Variants in ANXA11 observed in about 807,000 individuals in gnomAD.
ANXA11 encodes 56 kDa autoantigen.
Under a neutral mutation model 64.7 loss-of-function variants are expected in ANXA11, and 57 were observed. The observed-to-expected ratio is 0.88, with a 90% CI of 0.71 to 1.10. The LOEUF is 1.10. ANXA11 is among the 50% of genes least tolerant of loss of function. The pLI is 0.00. For missense variants in ANXA11, 675 were observed against 670.7 expected (o/e 1.01, Z -0.07); for synonymous variants, 260 against 265.2 (o/e 0.98, Z 0.19).
chr10:80,155,783 A>AC lies in ANXA11; in HGVS notation c.*69dup. On this transcript the variant is annotated 3_prime_UTR_variant, in exon 16 of 16. Coordinates refer to ENST00000422982, the MANE Select transcript of ANXA11 (RefSeq NM_145868.2). ...CTATTTGTGGATTTGTTAGAAACAGACATTCTTTTGGCCTTTTCCTGGCAC... is the reference window on the plus strand; with the variant it reads ...CTATTTGTGGATTTGTTAGAAACAGACCATTCTTTTGGCCTTTTCCTGGCAC... 7.1e-7 allele frequency: 1 copy of AC among 1,415,980 alleles called. No homozygotes were observed. Among genetic ancestry groups the AC allele is most frequent in the Non-Finnish European group, 1.0e-6 (1 of 1,000,414 alleles). 87.7% of individuals were successfully genotyped at this position (1,415,980 alleles called of 1,614,324 possible). A position where few individuals can be genotyped will look rare whatever the true frequency, so the allele number is the denominator to read the frequency against.
chr10:80,180,036 T>C (rs1047535301), intron 1 of ANXA11, among the ~76,000 whole-genome samples: 1 of 152,072 alleles, frequency 6.6e-6, no homozygotes, highest in Non-Finnish European at 1.5e-5. Context: ...TATCTGGGGG[T>C]GCTTCTCAGT....
At position 80,189,500 on chromosome 10, in the gene ANXA11, C is replaced by T. The variant is rs527356876; in HGVS notation, c.-57-13345G>A. ...CCTCAAAAAATTAAACATAGAACTA[C>T]CATACGATCCAGCAATCTCACTCCT... On this transcript the variant is annotated intron_variant, in intron 1 of 15. Transcript: ENST00000422982. 3.3e-5 allele frequency among the ~76,000 whole-genome samples: 5 copies of T among 152,310 alleles called. No individual in the cohort carries two copies. In the South Asian group the frequency reaches 1.0e-3, roughly 32 times the overall value.
chr10:80,158,012 C>G lies in ANXA11; in HGVS notation c.1290G>C (p.Lys430Asn). ...EGMLAVVKCL[K>N]NTPAFFAERL... ...TCTCCGCAAAGAAGGCTGGGGTATT[C>G]TTGAGACATTTCACTAGAAGAGAGA... Residue 430 changes from lysine to asparagine, a missense_variant, in exon 14 of 16, where the codon AAG becomes AAC. Lys to Asn is a moderately conservative substitution (Grantham distance 94). Coordinates refer to ENST00000422982, the MANE Select transcript of ANXA11 (RefSeq NM_145868.2). The G allele has an allele frequency of 6.2e-7, 1 of 1,614,094 alleles. No individual in the cohort carries two copies. The highest frequency in any genetic ancestry group is 8.5e-7 in the Non-Finnish European group (1 of 1,179,990).
At position 80,169,043 on chromosome 10, in the gene ANXA11, GC is replaced by G; in HGVS notation, c.486del (p.Gln163SerfsTer51). The G allele has an allele frequency of 6.5e-7, 1 of 1,544,190 alleles. No individual in the cohort carries two copies. The highest frequency in any genetic ancestry group is 8.7e-7 in the Non-Finnish European group (1 of 1,150,996). ...YPGQPPVPLP[G>X]QQQPVPSYPG... is the part of the protein sequence containing the mutation. ...GGGTAGCTCGGCACTGGCTGCTGCTGCCCAGGGAGTGGCACTGGAGGCTGAC... is the reference window on the plus strand; with the variant it reads ...GGGTAGCTCGGCACTGGCTGCTGCTGCCAGGGAGTGGCACTGGAGGCTGAC... On this transcript the variant is annotated frameshift_variant, in exon 5 of 16. Transcript: ENST00000422982. LOFTEE classifies it high-confidence loss of function.
At chr10:80,183,424 C>G (rs758015283) in intron 1 of ANXA11, among the ~76,000 whole-genome samples, 5 of 152,226 alleles carry the variant, frequency 3.3e-5, no homozygotes, top group Non-Finnish European at 7.3e-5. Context: ...AAGGGGGCCT[C>G]TTTCAGCTTT....
At chr10:80,175,910 CA>C in intron 2 of ANXA11, among the ~76,000 whole-genome samples, 196 bp downstream of exon 2, 1 of 152,194 alleles carries the variant, frequency 6.6e-6, no homozygotes, top group East Asian at 1.9e-4. Context: ...AAAAATTAGC[CA>C]GGCGTGGTGG....
At chr10:80,195,939 G>C (rs921585427) in intron 1 of ANXA11, 1 of 152,238 alleles carries the variant, frequency 6.6e-6, no homozygotes, top group Non-Finnish European at 1.5e-5. Context: ...TCTACAACAC[G>C]AGGGAATTCG....
chr10:80,178,372 A>T (rs1846246028), intron 1 of ANXA11, among the ~76,000 whole-genome samples: 1 of 152,214 alleles, frequency 6.6e-6, no homozygotes, highest in South Asian at 2.1e-4. Flanking sequence ...GCCTGCTTCT[A>T]ATCACGGCCC....
rs139801764 is a variant in ANXA11, at chr10:80,170,878, C to A, written c.93G>T (p.Pro31=). The part of the protein sequence containing the change: ...GPWGGAAYPP[P]PSMPPIGLDN... The stretch of plus-strand genomic sequence containing the variant: ...CCAGCCCGATGGGGGGCATGCTGGG[C>A]GGAGGAGGGTAGGCAGCACCTCCCC... Residue 31 remains proline (P), a synonymous_variant, in exon 4 of 16, where the codon CCG becomes CCT. Coordinates refer to ENST00000422982, the MANE Select transcript of ANXA11 (RefSeq NM_145868.2). 12 of 1,566,680 alleles carry A rather than the reference C, an allele frequency of 7.7e-6. No individual in the cohort carries two copies. Among genetic ancestry groups the A allele is most frequent in the Non-Finnish European group, 1.0e-5 (12 of 1,158,226 alleles).
Position 80,157,715 on chromosome 10 carries a change from T to C in ANXA11, c.1384A>G (p.Ser462Gly). Residue 462 changes from serine (S) to glycine (G), a missense_variant, in exon 15 of 16, where the codon AGC becomes GGC. Physicochemically the swap from Ser to Gly is moderately conservative, Grantham distance 56. Coordinates refer to ENST00000422982, the MANE Select transcript of ANXA11 (RefSeq NM_145868.2). The part of the protein sequence containing the change: ...RTLIRIMVSR[S>G]ETDLLDIRSE... ...CTGATGTCCAGGAGGTCGGTCTCGC[T>C]GCGAGACACCATGATGCGAATCAGG... 6.2e-7 allele frequency: 1 copy of C among 1,614,020 alleles called. No individual in the cohort carries two copies. The highest frequency in any genetic ancestry group is 1.3e-5 in the African/African-American group (1 of 74,994).
At chr10:80,205,750 C>T (rs1257122344), upstream of ANXA11, among the ~76,000 whole-genome samples, 1 of 152,194 alleles carries the variant, frequency 6.6e-6, no homozygotes, top group Non-Finnish European at 1.5e-5. Flanking sequence ...GCCGCATTCG[C>T]CCTCCTGCAG....
chr10:80,188,006 T>G (rs1161803887), intron 1 of ANXA11, among the ~76,000 whole-genome samples: 2 of 152,000 alleles, frequency 1.3e-5, no homozygotes, highest in Admixed American at 6.5e-5. Flanking sequence ...AACCCTTCCC[T>G]CATTTTGCAG....
chr10:80,182,568 C>G (rs1846394586), intron 1 of ANXA11, among the ~76,000 whole-genome samples: 1 of 152,108 alleles, frequency 6.6e-6, no homozygotes, highest in South Asian at 2.1e-4. Flanking sequence ...GATACATGTG[C>G]AGAACATGCA....
In ANXA11 at chr10:80,205,459, C is replaced by A. The variant is rs1443918626; in HGVS notation, c.-174G>T. The A allele has an allele frequency of 1.3e-5, 2 of 151,930 alleles. No individual in the cohort carries two copies. Among genetic ancestry groups the A allele is most frequent in the Admixed American group, 6.6e-5 (1 of 15,252 alleles). The allele number at this position is 151,930 out of a possible 1,614,324, so 9.4% of individuals were successfully genotyped here. A position where few individuals can be genotyped will look rare whatever the true frequency, so the allele number is the denominator to read the frequency against. On this transcript the variant is annotated 5_prime_UTR_variant, in exon 1 of 16. Coordinates refer to ENST00000422982, the MANE Select transcript of ANXA11 (RefSeq NM_145868.2). ...CTGCCTAGGGGCTGGGTCCCACTCC[C>A]GCTCGCGGGGCCCGCGGGGCACTCG...
At position 80,169,127 on chromosome 10, in the gene ANXA11, G is replaced by A. The variant is rs747262502; in HGVS notation, c.403C>T (p.Pro135Ser). 5.2e-6 allele frequency: 8 copies of A among 1,545,200 alleles called. No individual in the cohort carries two copies. The highest frequency in any genetic ancestry group is 6.9e-6 in the Non-Finnish European group (8 of 1,151,480). The change falls in exon 5 of 16, where the codon CCC (proline) becomes TCC (serine). Residue 135 changes from proline to serine, a missense_variant. Physicochemically the swap from Pro to Ser is moderately conservative, Grantham distance 74 (BLOSUM62 -1). Coordinates refer to ENST00000422982, the MANE Select transcript of ANXA11 (RefSeq NM_145868.2). ...GCCCCTGGGGGCTGCTGTCCGGGGG[G>A]TGGCATGGGCTGGCCCGGCACAGGG... ...GAPVPGQPMPPPGQQPPGAYP... is the reference protein window; with the variant it reads ...GAPVPGQPMPSPGQQPPGAYP...
intron 12 of ANXA11, among the ~76,000 whole-genome samples, chr10:80,159,726 G>T (rs1297883771): frequency 1.3e-5 from 2 of 152,148 alleles, no homozygotes; most frequent in African/African-American, 2.4e-5. Context: ...TGCACCACCT[G>T]ATGTCCCTCC....
chr10:80,157,607 A>G (rs1845324068), intron 15 of ANXA11, 34 bp downstream of exon 15: 4 of 1,600,810 alleles, frequency 2.5e-6, no homozygotes, highest in Non-Finnish European at 3.4e-6. Context: ...GAGATGCCAA[A>G]AGGGAGCCCA....
chr10:80,163,212 C>T lies in ANXA11; in HGVS notation c.1086+137G>A, dbSNP rs188252420. 1.4e-3 allele frequency: 1,295 copies of T among 917,664 alleles called. 14 individuals are homozygous for T. The highest frequency in any genetic ancestry group is 3.2e-4 in the Non-Finnish European group (189 of 583,102). The allele number at this position is 917,664 out of a possible 1,614,324, so 56.8% of individuals were successfully genotyped here. A position where few individuals can be genotyped will look rare whatever the true frequency, so the allele number is the denominator to read the frequency against. On this transcript the variant is annotated intron_variant, in intron 11 of 15. Transcript: ENST00000422982. Reference sequence around the variant, plus strand: ...TAGGTCATACAGTTGAACAGTTCAGCGCGTCTGAAACTCACAGCATCTGCA... The same window carrying T: ...TAGGTCATACAGTTGAACAGTTCAGTGCGTCTGAAACTCACAGCATCTGCA...
At chr10:80,157,836 C>A (rs909477417) in intron 14 of ANXA11, 73 bp from the exon 15 acceptor site, 5 of 1,588,056 alleles carry the variant, frequency 3.1e-6, no homozygotes, top group Middle Eastern at 1.7e-4. Context: ...CCCTCCAGTC[C>A]CCTCCCTACC....
Sources: allele counts gnomAD v4.1 joint callset (sites outside exome capture counted in the v4.1 genomes callset), GRCh38; gene constraint gnomAD v4.1.1; transcripts MANE v1.5; gene names NCBI Gene and HGNC (gene_info 2026-07-23, HGNC 2026-07-21).